Variants in IFT172 observed in about 807,000 individuals in gnomAD.
IFT172 encodes the protein intraflagellar transport protein 172 homolog.
Under a neutral mutation model 248.9 loss-of-function variants are expected in IFT172, and 164 were observed. That is an observed-to-expected ratio of 0.66 (90% confidence interval 0.58 to 0.75). The LOEUF (loss-of-function observed/expected upper bound fraction) is 0.75, where lower values mean the gene tolerates loss of function less well. IFT172 is among the 30% of genes least tolerant of loss of function. The probability of loss-of-function intolerance (pLI) is 0.00; values close to 1 mark genes in which losing one functional copy is unlikely to be tolerated. For missense variants in IFT172, 1,950 were observed against 2,192.4 expected, an observed-to-expected ratio of 0.89 and a Z score of 2.21; for synonymous variants, 729 against 791.6, an observed-to-expected ratio of 0.92 and a Z score of 1.33.
At position 27,445,791 on chromosome 2, in the gene IFT172, G is replaced by A. The variant is rs762958757; in HGVS notation, c.4868C>T (p.Thr1623Ile). The A allele has an allele frequency of 1.9e-6, 3 of 1,614,160 alleles. No individual in the cohort carries two copies. The Admixed American group carries it at 5.0e-5, about 27-fold the overall frequency. ...DGLDHSDFQD[T>I]DIPFEVPLPA... ...GAGTGGCACCTCAAAGGGAATGTCT[G>A]TATCCTGAAAATCAGAGTGGTCAAG... Residue 1623 changes from threonine to isoleucine, a missense_variant, in exon 45 of 48, where the codon ACA becomes ATA. Transcript: ENST00000260570. This position sits in a 1 kb window ranked among gnomAD's most constrained non-coding sequence, Gnocchi z 4.4.
intron 35 of IFT172, 146 bp downstream of exon 35, chr2:27,453,238 T>C: frequency 9.2e-7 from 1 of 1,085,022 alleles, no homozygotes; most frequent in South Asian, 1.3e-5. Flanking sequence ...TCTGGCTCTA[T>C]CATCCAGCAG....
At chr2:27,478,945 A>G (rs1000903874) in intron 10 of IFT172, among the ~76,000 whole-genome samples, 5 of 152,208 alleles carry the variant, frequency 3.3e-5, no homozygotes, top group Non-Finnish European at 7.3e-5. Context: ...TGTAGCCAGT[A>G]AAGTTTTAAG....
Position 27,489,603 on chromosome 2 carries a change from G to A in IFT172, c.39+12C>T. Reference sequence around the variant, plus strand: ...AAGCATAAGGGGGAGGGACTGGCACGCAATTCCTCACCTGAGGGCTCAGCA... The same window carrying A: ...AAGCATAAGGGGGAGGGACTGGCACACAATTCCTCACCTGAGGGCTCAGCA... On this transcript the variant is annotated intron_variant, in intron 1 of 47. Transcript: ENST00000260570. 3 of 1,604,288 alleles carry A rather than the reference G, an allele frequency of 1.9e-6. No homozygotes were observed. Among genetic ancestry groups the A allele is most frequent in the Non-Finnish European group, 2.6e-6 (3 of 1,171,586 alleles).
intron 43 of IFT172, 36 bp downstream of exon 43, chr2:27,446,224 C>T (rs1284088994): frequency 1.9e-5 from 31 of 1,597,188 alleles, no homozygotes; most frequent in Non-Finnish European, 2.7e-5. Context: ...CTTTAACTTC[C>T]TCCTATCTGC....
At chr2:27,483,816 C>A in intron 5 of IFT172, 56 bp downstream of exon 5, 2 of 1,501,728 alleles carry the variant, frequency 1.3e-6, no homozygotes, top group East Asian at 2.3e-5. Context: ...ATATTCCTCT[C>A]TCCAGAACCA....
Position 27,465,404 on chromosome 2 carries a change from A to G in IFT172, c.1937+7T>C. The G allele has an allele frequency of 1.2e-6, 2 of 1,611,622 alleles. No individual in the cohort carries two copies. Among genetic ancestry groups the G allele is most frequent in the Non-Finnish European group, 1.7e-6 (2 of 1,177,898 alleles). On this transcript the variant is annotated splice_region_variant and intron_variant, in intron 18 of 47. Coordinates refer to ENST00000260570, the MANE Select transcript of IFT172 (RefSeq NM_015662.3). ...CGTGGCACCTCTGTTCTACATGTCTACCTCACCTCTCCGCAATGTGTAGTT... is the reference window on the plus strand; with the variant it reads ...CGTGGCACCTCTGTTCTACATGTCTGCCTCACCTCTCCGCAATGTGTAGTT...
Position 27,454,894 on chromosome 2 carries a change from T to C in IFT172, c.3372-234A>G, listed in dbSNP as rs1340445068. Among the ~76,000 whole-genome samples, 1 of 152,142 alleles carries C rather than the reference T, an allele frequency of 6.6e-6. No homozygotes were observed. On this transcript the variant is annotated intron_variant, in intron 30 of 47. Coordinates refer to ENST00000260570, the MANE Select transcript of IFT172 (RefSeq NM_015662.3). This position sits in a 1 kb window ranked among gnomAD's most constrained non-coding sequence, Gnocchi z 4.2. Reference sequence around the variant, plus strand: ...AGAGACGTCTGGAAAAGCCTATGCCTTCCCTGAGGCCAGCTGCTCCTGAGG... The same window carrying C: ...AGAGACGTCTGGAAAAGCCTATGCCCTCCCTGAGGCCAGCTGCTCCTGAGG...
At chr2:27,474,696 T>G (rs1460911728) in intron 14 of IFT172, among the ~76,000 whole-genome samples, 3 of 151,940 alleles carry the variant, frequency 2.0e-5, no homozygotes, top group Non-Finnish European at 4.4e-5. Flanking sequence ...GGATTACAGG[T>G]GCCCTCCACC....
chr2:27,489,503 T>A lies in IFT172; in HGVS notation c.39+112A>T, dbSNP rs181514367. ...GGCCAAGATCCAGATCATCGCTATA[T>A]CCCTTACAGCCTTCTGCACACAGTA... On this transcript the variant is annotated intron_variant, in intron 1 of 47. Transcript: ENST00000260570. 4.8e-4 allele frequency: 365 copies of A among 754,878 alleles called. 2 individuals carry two copies. The African/African-American group carries it at 5.7e-3, about 12-fold the overall frequency. The allele number at this position is 754,878 out of a possible 1,614,324, so 46.8% of individuals were successfully genotyped here.
At chr2:27,474,009 C>A (rs574134086) in intron 14 of IFT172, among the ~76,000 whole-genome samples, 2 of 151,900 alleles carry the variant, frequency 1.3e-5, no homozygotes, top group Non-Finnish European at 2.9e-5. Flanking sequence ...GGTTTCACCA[C>A]GTTGGTCAGG....
intron 22 of IFT172, 60 bp downstream of exon 22, chr2:27,461,208 CT>C: frequency 6.2e-7 from 1 of 1,612,288 alleles, no homozygotes; most frequent in Non-Finnish European, 8.5e-7. Context: ...CAAGACTCCT[CT>C]GGGTAAGGGA....
chr2:27,469,980 GT>G (rs1279783831), intron 16 of IFT172, among the ~76,000 whole-genome samples: 4 of 151,970 alleles, frequency 2.6e-5, no homozygotes, highest in Non-Finnish European at 5.9e-5. Context: ...TTTAGACTTT[GT>G]TCATTTAACT....
intron 15 of IFT172, 67 bp from the exon 16 acceptor site, chr2:27,471,162 TTTTCC>T: frequency 1.3e-6 from 2 of 1,518,914 alleles, no homozygotes; most frequent in Non-Finnish European, 9.0e-7. Context: ...CTTTTGACCA[TTTTCC>T]TAATGGTGAG....
chr2:27,446,943 C>T (rs530989853), intron 42 of IFT172, among the ~76,000 whole-genome samples: 328 of 152,174 alleles, frequency 2.2e-3, no homozygotes, highest in Non-Finnish European at 3.4e-3. Context: ...TCATGATCCA[C>T]CCGCCTCGGC....
At chr2:27,448,790 G>A in intron 40 of IFT172, 125 bp downstream of exon 40, 2 of 691,666 alleles carry the variant, frequency 2.9e-6, no homozygotes, top group Non-Finnish European at 5.4e-6. Flanking sequence ...ATGCGTGGGG[G>A]GCTCTGGGCA....
intron 35 of IFT172, chr2:27,453,085 A>G: frequency 2.2e-6 from 1 of 446,408 alleles, no homozygotes. Context: ...CAGAGATCTC[A>G]CTGTTCTCTG....
chr2:27,458,698 G>A, intron 26 of IFT172, 81 bp downstream of exon 26: 1 of 1,504,844 alleles, frequency 6.6e-7, no homozygotes, highest in East Asian at 2.3e-5. Context: ...GCCAAGCGAA[G>A]AGGAGAAACA....
rs538772438 is a variant in IFT172 at position 27,467,140 on chromosome 2, T to C, written c.1693-1258A>G. Reference sequence around the variant, plus strand: ...AGCAAGGAATAAGAAATTATCAATATGGCCAGGCAGACTGGAGAAATAATC... The same window carrying C: ...AGCAAGGAATAAGAAATTATCAATACGGCCAGGCAGACTGGAGAAATAATC... On this transcript the variant is annotated intron_variant, in intron 16 of 47. Transcript: ENST00000260570. 1.3e-4 allele frequency among the ~76,000 whole-genome samples: 20 copies of C among 152,202 alleles called. No homozygotes were observed. In the South Asian group the frequency reaches 3.9e-3, roughly 30 times the overall value.
rs937399843 is a variant in IFT172 at position 27,450,171 on chromosome 2, T to C, written c.3952-75A>G. The C allele has an allele frequency of 1.3e-5, 15 of 1,160,094 alleles. No individual in the cohort carries two copies. The Admixed American group carries it at 2.9e-4, about 22-fold the overall frequency. The allele number at this position is 1,160,094 out of a possible 1,614,324, so 71.9% of individuals were successfully genotyped here. ...TGAGTCCTCAGCCTCATCCATTTCA[T>C]ACATTTTTCTCCTCCAGATGCCAAC... On this transcript the variant is annotated intron_variant, in intron 35 of 47. Coordinates refer to ENST00000260570, the MANE Select transcript of IFT172 (RefSeq NM_015662.3).
Sources: allele counts gnomAD v4.1 joint callset (sites outside exome capture counted in the v4.1 genomes callset), GRCh38; gene constraint gnomAD v4.1.1; non-coding constraint Gnocchi (gnomAD v3.1); transcripts MANE v1.5; gene names NCBI Gene and HGNC (gene_info 2026-07-23, HGNC 2026-07-21).